The following FAM168B variants were observed in gnomAD, a reference collection of about 807,000 sequenced individuals.
FAM168B encodes myelin-associated neurite-outgrowth inhibitor.
A neutral mutation model predicts 21.8 loss-of-function variants in FAM168B; 19 were observed. The observed-to-expected ratio is 0.87, with a 90% CI of 0.61 to 1.28. The LOEUF is 1.28. FAM168B is among the 50% of genes most tolerant of loss of function. The pLI is 0.00. For synonymous variants in FAM168B, 126 were observed against 104.8 expected (o/e 1.20, Z -1.24); for missense variants, 233 against 263.1 (o/e 0.89, Z 0.79).
chr2:131,048,651 T>C lies in FAM168B; in HGVS notation c.*3814A>G. 2 of 1,035,282 alleles carry C rather than the reference T, an allele frequency of 1.9e-6. No homozygotes were observed. The highest frequency in any genetic ancestry group is 2.3e-6 in the Non-Finnish European group (2 of 858,812). The allele number at this position is 1,035,282 out of a possible 1,614,324, so 64.1% of individuals were successfully genotyped here. A position where few individuals can be genotyped will look rare whatever the true frequency, so the allele number is the denominator to read the frequency against. ...GCCCTCAGGACCTACTGATAAAGCA[T>C]GTCCTCTGCAGTATACTCAAGAGTC... On this transcript the variant is annotated 3_prime_UTR_variant, in exon 7 of 7. Transcript: ENST00000389915.
chr2:131,071,779 C>T, intron 3 of FAM168B, 76 bp downstream of exon 3: 1 of 1,270,462 alleles, frequency 7.9e-7, no homozygotes, highest in Non-Finnish European at 1.1e-6. Context: ...ATTCTATACC[C>T]ACCCCTCTCA....
At chr2:131,073,907 C>G (rs912758793) in intron 2 of FAM168B, among the ~76,000 whole-genome samples, 13 of 152,322 alleles carry the variant, frequency 8.5e-5, no homozygotes, top group African/African-American at 3.1e-4. Flanking sequence ...AATGAGGAAT[C>G]TTATTAAGAC....
chr2:131,085,481 G>T (rs1693644632), intron 1 of FAM168B, among the ~76,000 whole-genome samples: 1 of 152,088 alleles, frequency 6.6e-6, no homozygotes, highest in Non-Finnish European at 1.5e-5. Flanking sequence ...AAAAACAAAT[G>T]CCTTTCAGAA....
In FAM168B at chr2:131,082,562, A is replaced by C. The variant is rs1455483263; in HGVS notation, c.70+15T>G. 1 of 1,580,008 alleles carries C rather than the reference A, an allele frequency of 6.3e-7. No homozygotes were observed. The highest frequency in any genetic ancestry group is 1.4e-5 in the African/African-American group (1 of 73,426). On this transcript the variant is annotated intron_variant, in intron 2 of 6. Coordinates refer to ENST00000389915, the MANE Select transcript of FAM168B (RefSeq NM_001009993.4). ...TTCAAAGTTCAAAAATGAAAACAAA[A>C]TTTTACTTACTTACCTGGATAACCA...
Position 131,049,748 on chromosome 2 carries a change from C to T in FAM168B, c.*2717G>A, listed in dbSNP as rs2105442101. On this transcript the variant is annotated 3_prime_UTR_variant, in exon 7 of 7. Coordinates refer to ENST00000389915, the MANE Select transcript of FAM168B (RefSeq NM_001009993.4). The stretch of plus-strand genomic sequence containing the variant: ...AGAATAGTAATTCAGCTGAAGGACT[C>T]CCAAATTAGGAATGTCAAACACACA... 2 of 985,856 alleles carry T rather than the reference C, an allele frequency of 2.0e-6. No homozygotes were observed. Among genetic ancestry groups the T allele is most frequent in the East Asian group, 2.3e-4 (2 of 8,820 alleles). 61.1% of individuals were successfully genotyped at this position (985,856 alleles called of 1,614,324 possible). A position where few individuals can be genotyped will look rare whatever the true frequency, so the allele number is the denominator to read the frequency against.
chr2:131,052,496 G>A (rs896944468), intron 6 of FAM168B, 44 bp from the exon 7 acceptor site: 46 of 1,008,976 alleles, frequency 4.6e-5, no homozygotes, highest in East Asian at 1.1e-4. Context: ...GAGCTCTTCC[G>A]GCACCGCTAT....
intron 1 of FAM168B, among the ~76,000 whole-genome samples, chr2:131,088,110 G>C (rs949592880): frequency 2.6e-5 from 4 of 152,198 alleles, no homozygotes; most frequent in Admixed American, 2.6e-4. Flanking sequence ...GCTGGGCGTG[G>C]TGGCACACAC....
chr2:131,048,568 G>C lies in FAM168B; in HGVS notation c.*3897C>G. ...AAACTTTCTGAAACATGCAGTTTCCGACCCAAATAGGCCACATACCCCAAC... is the reference window on the plus strand; with the variant it reads ...AAACTTTCTGAAACATGCAGTTTCCCACCCAAATAGGCCACATACCCCAAC... On this transcript the variant is annotated 3_prime_UTR_variant, in exon 7 of 7. Transcript: ENST00000389915. 1 of 1,108,712 alleles carries C rather than the reference G, an allele frequency of 9.0e-7. No homozygotes were observed. Among genetic ancestry groups the C allele is most frequent in the Non-Finnish European group, 1.1e-6 (1 of 897,296 alleles). 68.7% of individuals were successfully genotyped at this position (1,108,712 alleles called of 1,614,324 possible). A position where few individuals can be genotyped will look rare whatever the true frequency, so the allele number is the denominator to read the frequency against.
intron 3 of FAM168B, among the ~76,000 whole-genome samples, chr2:131,058,260 AGTG>A (rs1163198782): frequency 6.6e-6 from 1 of 152,180 alleles, no homozygotes; most frequent in Non-Finnish European, 1.5e-5. Flanking sequence ...TATATTGCAC[AGTG>A]GTGAAGTCTG....
chr2:131,064,630 G>A (rs1197981092), intron 3 of FAM168B, among the ~76,000 whole-genome samples: 1 of 152,170 alleles, frequency 6.6e-6, no homozygotes, highest in Non-Finnish European at 1.5e-5. Flanking sequence ...TCTCAAAATT[G>A]TGACTTTTCC....
chr2:131,090,482 G>C (rs1301785192), intron 1 of FAM168B, among the ~76,000 whole-genome samples: 1 of 152,096 alleles, frequency 6.6e-6, no homozygotes, highest in Non-Finnish European at 1.5e-5. Context: ...CTAATTTTAA[G>C]AGGTTTAGAT....
chr2:131,080,858 G>C (rs772004811), intron 2 of FAM168B, among the ~76,000 whole-genome samples: 20 of 151,706 alleles, frequency 1.3e-4, no homozygotes, highest in Non-Finnish European at 2.5e-4. Context: ...ATTTTTAGTA[G>C]AGACGGGGTT....
intron 2 of FAM168B, among the ~76,000 whole-genome samples, chr2:131,079,219 T>A (rs776122358): frequency 2.0e-5 from 3 of 152,198 alleles, no homozygotes; most frequent in Non-Finnish European, 4.4e-5. Flanking sequence ...GGCTCAGGCC[T>A]GTAATCCCAG....
chr2:131,051,415 T>C lies in FAM168B; in HGVS notation c.*1050A>G. On this transcript the variant is annotated 3_prime_UTR_variant, in exon 7 of 7. Coordinates refer to ENST00000389915, the MANE Select transcript of FAM168B (RefSeq NM_001009993.4). The stretch of plus-strand genomic sequence containing the variant: ...TCTTCATAACATACAGCTGAAACCT[T>C]TGCCCTTCTTTGTTGGGGAAAAACA... The C allele has an allele frequency of 1.0e-6, 1 of 985,248 alleles. No individual in the cohort carries two copies. Among genetic ancestry groups the C allele is most frequent in the Non-Finnish European group, 1.2e-6 (1 of 829,894 alleles). 61.0% of individuals were successfully genotyped at this position (985,248 alleles called of 1,614,324 possible).
At chr2:131,082,863 T>C (rs563458685) in intron 1 of FAM168B, among the ~76,000 whole-genome samples, 2 of 152,282 alleles carry the variant, frequency 1.3e-5, no homozygotes, top group East Asian at 1.9e-4. Context: ...AAACTTTTTT[T>C]CACAATTCTC....
intron 1 of FAM168B, among the ~76,000 whole-genome samples, chr2:131,083,959 A>T (rs1188996383): frequency 3.3e-5 from 5 of 151,952 alleles, no homozygotes; most frequent in Non-Finnish European, 7.4e-5. Flanking sequence ...GCTGGAGTGC[A>T]GTGGCATGAT....
chr2:131,071,907 A>T lies in FAM168B; in HGVS notation c.102T>A (p.Ala34=), dbSNP rs774162069. ...AGFPMGYAAA[A]PAYSPNMYPG... ...GATACATGTTAGGAGAATAGGCAGG[A>T]GCTGCTGCTGCATAGCCCATGGGAA... Residue 34 remains alanine (A), a synonymous_variant, in exon 3 of 7, where the codon GCT becomes GCA. Transcript: ENST00000389915. 1 of 1,614,112 alleles carries T rather than the reference A, an allele frequency of 6.2e-7. No homozygotes were observed. The highest frequency in any genetic ancestry group is 1.1e-5 in the South Asian group (1 of 91,084).
At chr2:131,070,338 A>G (rs1010358868) in intron 3 of FAM168B, among the ~76,000 whole-genome samples, 11 of 152,246 alleles carry the variant, frequency 7.2e-5, no homozygotes, top group Admixed American at 4.6e-4. Flanking sequence ...AAATACGCAC[A>G]TGAAAAGATA....
intron 1 of FAM168B, among the ~76,000 whole-genome samples, chr2:131,085,517 G>A (rs913715165): frequency 6.6e-6 from 1 of 152,128 alleles, no homozygotes; most frequent in African/African-American, 2.4e-5. Flanking sequence ...AATCCATTAC[G>A]AAGACAAAAT....
Sources: gnomAD v4.1 joint callset for allele counts (sites outside exome capture counted in the v4.1 genomes callset) on GRCh38, gnomAD v4.1.1 for gene constraint, MANE v1.5 for transcripts, NCBI Gene and HGNC (gene_info 2026-07-23, HGNC 2026-07-21) for gene names.